The following DPPA3 variants were observed in gnomAD, a reference collection of about 807,000 sequenced individuals.
DPPA3 encodes developmental pluripotency-associated protein 3.
In DPPA3, 9 loss-of-function variants were observed where a neutral mutation model predicts 15.6. The ratio of observed to expected loss-of-function variants is 0.58; its 90% CI spans 0.35 to 1.01. The LOEUF (loss-of-function observed/expected upper bound fraction) is 1.01, where lower values mean the gene tolerates loss of function less well. DPPA3 is among the 50% of genes least tolerant of loss of function. DPPA3 has a pLI of 0.02. For missense variants in DPPA3, 148 were observed against 194.6 expected (o/e 0.76, Z 1.42); for synonymous variants, 61 against 70.9 (o/e 0.86, Z 0.70).
intron 1 of DPPA3, among the ~76,000 whole-genome samples, chr12:7,714,025 T>A (rs1287895076): frequency 6.8e-6 from 1 of 146,656 alleles, no homozygotes; most frequent in Non-Finnish European, 1.5e-5. Context: ...AAAATAACAG[T>A]CTACCATCCT....
At chr12:7,716,339 G>T in intron 3 of DPPA3, 100 bp downstream of exon 3, 1 of 968,458 alleles carries the variant, frequency 1.0e-6, no homozygotes. Context: ...AGGGAATTAG[G>T]GAATTTGCTT....
intron 1 of DPPA3, 52 bp downstream of exon 1, chr12:7,711,704 G>A: frequency 1.6e-6 from 2 of 1,248,682 alleles, no homozygotes; most frequent in Non-Finnish European, 2.2e-6. Flanking sequence ...GGGTTGGGAG[G>A]TCAAAAGGCT....
At chr12:7,715,127 G>A (rs771401491) in intron 1 of DPPA3, 56 bp from the exon 2 acceptor site, 3 of 1,610,254 alleles carry the variant, frequency 1.9e-6, no homozygotes, top group African/African-American at 2.7e-5. Flanking sequence ...AGACCTAGTT[G>A]ATGTGTGAAT....
At position 7,715,270 on chromosome 12, in the gene DPPA3, C is replaced by T. The variant is rs868633668; in HGVS notation, c.170C>T (p.Ser57Leu). Residue 57 changes from serine to leucine, a missense_variant, in exon 2 of 4, where the codon TCG (serine) becomes TTG (leucine). Physicochemically the swap from Ser to Leu is moderately radical, Grantham distance 145 (BLOSUM62 -2). Transcript: ENST00000345088. ...AGTAGCGAATCTGTTTCCCCTCTAT[C>T]GGAAGCTTTACTCCGTCGAGAGTCT... ...NASSESVSPLSEALLRRESVG... is the reference protein window; with the variant it reads ...NASSESVSPLLEALLRRESVG... 6.2e-7 allele frequency: 1 copy of T among 1,613,850 alleles called. No homozygotes were observed. Among genetic ancestry groups the T allele is most frequent in the Non-Finnish European group, 8.5e-7 (1 of 1,179,856 alleles).
chr12:7,711,742 TTTTTTTTA>T, intron 1 of DPPA3, 90 bp downstream of exon 1: 1 of 982,024 alleles, frequency 1.0e-6, no homozygotes, highest in Non-Finnish European at 1.4e-6. Context: ...TTTTTTTTTT[TTTTTTTTA>T]ATGTTGACTT....
chr12:7,712,190 C>T (rs1864353434), intron 1 of DPPA3, among the ~76,000 whole-genome samples: 1 of 151,010 alleles, frequency 6.6e-6, no homozygotes, highest in Non-Finnish European at 1.5e-5. Flanking sequence ...ACTGGGATTA[C>T]AGGCTTGAGC....
In DPPA3 at chr12:7,716,957, T is replaced by G. The variant is rs1461429965; in HGVS notation, c.370-10T>G. 3 of 1,606,954 alleles carry G rather than the reference T, an allele frequency of 1.9e-6. No individual in the cohort carries two copies. In the South Asian group the frequency reaches 3.3e-5, roughly 18 times the overall value. On this transcript the variant is annotated splice_polypyrimidine_tract_variant and intron_variant, in intron 3 of 3. Transcript: ENST00000345088. ...TATTCCAATTAATCCATTTCATCAT[T>G]TTTTTTCAGAAGGAATCAAGACCAT...
intron 1 of DPPA3, 116 bp downstream of exon 1, chr12:7,711,768 T>C: frequency 1.2e-6 from 1 of 860,802 alleles, no homozygotes; most frequent in African/African-American, 1.9e-5. Context: ...CTTCAGTCTT[T>C]GCAAGAGGAA....
rs933845839 is a variant in DPPA3 at position 7,717,399 on chromosome 12, G to A, written c.*322G>A. 4.7e-6 allele frequency: 1 copy of A among 212,434 alleles called. No individual in the cohort carries two copies. Among genetic ancestry groups the A allele is most frequent in the Non-Finnish European group, 9.3e-6 (1 of 107,760 alleles). The allele number at this position is 212,434 out of a possible 1,614,324, so 13.2% of individuals were successfully genotyped here. ...AGAAATTGAAGCAAAGTTACTTATG[G>A]ATAAAGAAAGCATTAGGTAGTTGGG... is the stretch of plus-strand genomic sequence containing the variant. On this transcript the variant is annotated 3_prime_UTR_variant, in exon 4 of 4. Transcript: ENST00000345088.
chr12:7,714,775 C>T (rs754218259), intron 1 of DPPA3, among the ~76,000 whole-genome samples: 7 of 151,958 alleles, frequency 4.6e-5, no homozygotes, highest in South Asian at 2.1e-4. Flanking sequence ...TGCAGTGGCG[C>T]GATCTCGGCT....
At chr12:7,712,609 G>C (rs1864357092) in intron 1 of DPPA3, among the ~76,000 whole-genome samples, 1 of 152,070 alleles carries the variant, frequency 6.6e-6, no homozygotes, top group African/African-American at 2.4e-5. Flanking sequence ...ACCACGCCCG[G>C]CTAATCTTTT....
intron 2 of DPPA3, 36 bp downstream of exon 2, chr12:7,715,463 C>T: frequency 6.2e-7 from 1 of 1,613,238 alleles, no homozygotes; most frequent in Non-Finnish European, 8.5e-7. Context: ...CTGTCCAATT[C>T]CGGAGAGTGA....
At chr12:7,711,991 C>T (rs1440538308) in intron 1 of DPPA3, among the ~76,000 whole-genome samples, 2 of 148,180 alleles carry the variant, frequency 1.3e-5, no homozygotes, top group Non-Finnish European at 3.0e-5. Flanking sequence ...TCTCGGCTCA[C>T]TCCAAGTTCC....
chr12:7,715,059 T>C, intron 1 of DPPA3, 124 bp from the exon 2 acceptor site: 1 of 1,433,718 alleles, frequency 7.0e-7, no homozygotes. Flanking sequence ...CGTTGTTTAC[T>C]GTGACCTTCC....
At chr12:7,712,766 T>C (rs1864358866) in intron 1 of DPPA3, among the ~76,000 whole-genome samples, 1 of 146,352 alleles carries the variant, frequency 6.8e-6, no homozygotes, top group South Asian at 2.2e-4. Flanking sequence ...TTTATTTTTA[T>C]TTTTGACAGT....
intron 2 of DPPA3, 94 bp from the exon 3 acceptor site, chr12:7,716,104 A>C (rs1028615771): frequency 1.7e-6 from 2 of 1,155,716 alleles, no homozygotes; most frequent in African/African-American, 1.6e-5. Context: ...CCCTGTCTCA[A>C]CAAATTCCCT....
In DPPA3 at chr12:7,711,525, A is replaced by G. The variant is rs1415226476; in HGVS notation, c.-46A>G. ...TGAGGCTCTGTCATCAGTTTCTGCTACGTTTCAAAGATCCTGGAGAAGCCT... is the reference window on the plus strand; with the variant it reads ...TGAGGCTCTGTCATCAGTTTCTGCTGCGTTTCAAAGATCCTGGAGAAGCCT... On this transcript the variant is annotated 5_prime_UTR_variant, in exon 1 of 4. Coordinates refer to ENST00000345088, the MANE Select transcript of DPPA3 (RefSeq NM_199286.4). 1.3e-6 allele frequency: 2 copies of G among 1,565,014 alleles called. No individual in the cohort carries two copies. Among genetic ancestry groups the G allele is most frequent in the Non-Finnish European group, 1.7e-6 (2 of 1,153,054 alleles).
intron 1 of DPPA3, among the ~76,000 whole-genome samples, chr12:7,713,430 G>A (rs979026827): frequency 7.9e-5 from 12 of 152,168 alleles, no homozygotes; most frequent in Admixed American, 6.6e-4. Flanking sequence ...ATGTGCACAG[G>A]TCCCTAGACT....
At chr12:7,716,080 G>A (rs965066750) in intron 2 of DPPA3, 118 bp from the exon 3 acceptor site, 30 of 876,738 alleles carry the variant, frequency 3.4e-5, no homozygotes, top group Middle Eastern at 4.7e-4. Context: ...TCCAGCCTGG[G>A]CAACAGAGAA....
Sources: gnomAD v4.1 joint callset for allele counts (sites outside exome capture counted in the v4.1 genomes callset) on GRCh38, gnomAD v4.1.1 for gene constraint, MANE v1.5 for transcripts, NCBI Gene and HGNC (gene_info 2026-07-23, HGNC 2026-07-21) for gene names.